The following CSMD3 variants were observed in gnomAD, a reference collection of about 807,000 sequenced individuals.
The protein encoded by CSMD3 is CUB and Sushi multiple domains 3.
A neutral mutation model predicts 435.2 loss-of-function variants in CSMD3; 177 were observed. The observed-to-expected ratio is 0.41, with a 90% confidence interval of 0.36 to 0.46. The LOEUF (loss-of-function observed/expected upper bound fraction) is 0.46, where lower values mean the gene tolerates loss of function less well. Among genes scored for constraint, CSMD3 ranks in the 20% least tolerant of loss-of-function variants. The probability of loss-of-function intolerance (pLI) is 0.34; values close to 1 mark genes in which losing one functional copy is unlikely to be tolerated. For missense variants in CSMD3, 4,265 were observed against 4,504.6 expected (o/e 0.95, Z 1.52); for synonymous variants, 1,656 against 1,520.5 (o/e 1.09, Z -2.07).
intron 3 of CSMD3, 127 bp downstream of exon 3, chr8:113,278,465 G>A: frequency 1.5e-6 from 1 of 657,140 alleles, no homozygotes; most frequent in Non-Finnish European, 2.8e-6. Flanking sequence ...TTAATAACAA[G>A]ATAAATTTCA....
At chr8:113,417,384 A>T (rs1379245970) in intron 1 of CSMD3, among the ~76,000 whole-genome samples, 2 of 152,042 alleles carry the variant, frequency 1.3e-5, no homozygotes, top group African/African-American at 4.8e-5. Context: ...TACAATAGAG[A>T]CAAAGGAGAA....
chr8:112,554,434 C>CT (rs1341983588), intron 25 of CSMD3, among the ~76,000 whole-genome samples: 3 of 151,790 alleles, frequency 2.0e-5, no homozygotes, highest in Non-Finnish European at 4.4e-5. Context: ...AACAAAAATT[C>CT]TTTTGGACAA....
intron 24 of CSMD3, among the ~76,000 whole-genome samples, chr8:112,561,329 CA>C (rs1048649764): frequency 4.0e-5 from 6 of 151,530 alleles, no homozygotes. Flanking sequence ...ATTTCTAGAA[CA>C]AAAATGAACT....
At chr8:113,204,228 G>T (rs544178587) in intron 3 of CSMD3, among the ~76,000 whole-genome samples, 1 of 152,004 alleles carries the variant, frequency 6.6e-6, no homozygotes, top group Non-Finnish European at 1.5e-5. Flanking sequence ...TAGTGCCCTA[G>T]ATAAAAAGAC....
chr8:113,342,535 A>T (rs2094126817), intron 1 of CSMD3, among the ~76,000 whole-genome samples: 2 of 152,168 alleles, frequency 1.3e-5, no homozygotes, highest in Non-Finnish European at 2.9e-5. Context: ...TTATTTATTT[A>T]GTTAAATCTG....
intron 5 of CSMD3, among the ~76,000 whole-genome samples, chr8:113,075,089 CT>C (rs1192494719): frequency 6.6e-5 from 10 of 151,726 alleles, no homozygotes; most frequent in Non-Finnish European, 1.5e-4. Flanking sequence ...TGCACTGTTT[CT>C]AAGCAAAATG....
Position 112,543,766 on chromosome 8 carries a change from G to A in CSMD3, c.4564+6905C>T, listed in dbSNP as rs1826901680. On this transcript the variant is annotated intron_variant, in intron 27 of 70. Transcript: ENST00000297405. ...ATAATAAAAATGAGGATCTCGAGGA[G>A]GTATTAGTATTCCTAAGTTCATTGC... Among the ~76,000 whole-genome samples, 3 of 152,050 alleles carry A rather than the reference G, an allele frequency of 2.0e-5. No homozygotes were observed. The South Asian group carries it at 6.2e-4, about 32-fold the overall frequency.
At chr8:112,544,584 A>T (rs1213419182) in intron 27 of CSMD3, among the ~76,000 whole-genome samples, 1 of 152,204 alleles carries the variant, frequency 6.6e-6, no homozygotes, top group African/African-American at 2.4e-5. Context: ...AAATGGGATT[A>T]TGTGCTACTC....
chr8:112,704,638 T>C (rs1235448970), intron 13 of CSMD3, among the ~76,000 whole-genome samples: 1 of 151,998 alleles, frequency 6.6e-6, no homozygotes, highest in African/African-American at 2.4e-5. Flanking sequence ...TGCTTAATAA[T>C]TGTAGCTCCA....
At chr8:112,912,669 A>G (rs2082457452) in intron 10 of CSMD3, among the ~76,000 whole-genome samples, 1 of 151,982 alleles carries the variant, frequency 6.6e-6, no homozygotes, top group Non-Finnish European at 1.5e-5. Context: ...GATTTCCTGT[A>G]TATGACCCCA....
chr8:112,972,806 C>G (rs1164946757), intron 7 of CSMD3, among the ~76,000 whole-genome samples: 1 of 151,884 alleles, frequency 6.6e-6, no homozygotes, highest in African/African-American at 2.4e-5. Context: ...ATAAAACCCA[C>G]CCACTCCTTA....
chr8:112,708,613 G>A (rs2076546018), intron 13 of CSMD3, among the ~76,000 whole-genome samples: 1 of 147,462 alleles, frequency 6.8e-6, no homozygotes, highest in Non-Finnish European at 1.5e-5. Flanking sequence ...ATATGGCAAA[G>A]TAACAAGTTT....
Position 113,240,262 on chromosome 8 carries a change from G to A in CSMD3, c.514+38330C>T, listed in dbSNP as rs200238207. Among the ~76,000 whole-genome samples the A allele has an allele frequency of 4.6e-5, 7 of 152,200 alleles. No individual in the cohort carries two copies. In the East Asian group the frequency reaches 1.4e-3, roughly 29 times the overall value. On this transcript the variant is annotated intron_variant, in intron 3 of 70. Transcript: ENST00000297405. The stretch of plus-strand genomic sequence containing the variant: ...TTTCTTTGTCCAGTCCATCATTGAT[G>A]AGCATTTAGGTTGATTCCATGTCTT...
chr8:112,791,841 T>A (rs1174016949), intron 13 of CSMD3, among the ~76,000 whole-genome samples: 1 of 152,192 alleles, frequency 6.6e-6, no homozygotes, highest in Non-Finnish European at 1.5e-5. Context: ...ATCTTCCTTC[T>A]AACAGTGTAT....
At chr8:112,997,862 G>GTATATA (rs35783145) in intron 6 of CSMD3, among the ~76,000 whole-genome samples, 4 of 145,772 alleles carry the variant, frequency 2.7e-5, no homozygotes, top group African/African-American at 7.5e-5. Flanking sequence ...GTATATGTGT[G>GTATATA]TATATATATA....
chr8:113,046,911 T>G (rs186778090), intron 5 of CSMD3, among the ~76,000 whole-genome samples: 1 of 152,324 alleles, frequency 6.6e-6, no homozygotes, highest in Non-Finnish European at 1.5e-5. Context: ...GCTAAGCAGG[T>G]CCTGGGAGAG....
intron 4 of CSMD3, among the ~76,000 whole-genome samples, chr8:113,120,387 T>C (rs887315671): frequency 6.6e-6 from 1 of 152,170 alleles, no homozygotes; most frequent in Non-Finnish European, 1.5e-5. Context: ...TAGATTTATA[T>C]GCATGTTTTA....
At chr8:113,139,998 C>A (rs2091509866) in intron 4 of CSMD3, among the ~76,000 whole-genome samples, 1 of 150,870 alleles carries the variant, frequency 6.6e-6, no homozygotes, top group Admixed American at 6.6e-5. Context: ...ATGCAATATG[C>A]AAGCACAAGG....
chr8:113,381,286 G>C (rs370996730), intron 1 of CSMD3, among the ~76,000 whole-genome samples: 31 of 152,170 alleles, frequency 2.0e-4, no homozygotes, highest in Middle Eastern at 6.8e-3. Context: ...GGATTACAAG[G>C]GGTTCTGCAA....
Sources: allele counts gnomAD v4.1 joint callset (sites outside exome capture counted in the v4.1 genomes callset), GRCh38; gene constraint gnomAD v4.1.1; transcripts MANE v1.5; gene names NCBI Gene and HGNC (gene_info 2026-07-23, HGNC 2026-07-21).